The following STX17 variants were observed in gnomAD, a reference collection of about 807,000 sequenced individuals.
The protein encoded by STX17 is syntaxin 17.
Under a neutral mutation model 35.9 loss-of-function variants are expected in STX17, and 29 were observed. The ratio of observed to expected loss-of-function variants is 0.81; its 90% CI spans 0.60 to 1.10. The LOEUF (loss-of-function observed/expected upper bound fraction) is 1.10, where lower values mean the gene tolerates loss of function less well. Ranked by LOEUF, STX17 falls within the 50% of genes least tolerant of loss-of-function variation. The pLI is 0.00. For missense variants in STX17, 312 were observed against 352.3 expected (o/e 0.89, Z 0.92); for synonymous variants, 92 against 118.3 (o/e 0.78, Z 1.44).
intron 3 of STX17, among the ~76,000 whole-genome samples, chr9:99,938,423 CTAAA>C (rs1829281367): frequency 6.6e-6 from 1 of 152,116 alleles, no homozygotes; most frequent in African/African-American, 2.4e-5. Flanking sequence ...AAATTTGAAA[CTAAA>C]TGAGAGTTGG....
intron 6 of STX17, 180 bp from the exon 7 acceptor site, chr9:99,967,473 T>C (rs80082881): frequency 1.1e-4 from 25 of 237,678 alleles, no homozygotes; most frequent in Middle Eastern, 1.2e-3. Context: ...GACCCCCCCC[T>C]TTTTTTTATG....
At chr9:99,922,711 G>T (rs1828912361) in intron 2 of STX17, among the ~76,000 whole-genome samples, 1 of 152,204 alleles carries the variant, frequency 6.6e-6, no homozygotes, top group African/African-American at 2.4e-5. Context: ...GGGCAAGATG[G>T]AATCACTCAG....
At chr9:99,915,400 A>G (rs1056884103) in intron 2 of STX17, 38 bp downstream of exon 2, 2 of 1,567,578 alleles carry the variant, frequency 1.3e-6, no homozygotes, top group African/African-American at 1.4e-5. Flanking sequence ...AAATAGTTAC[A>G]TAGTTTGATT....
intron 3 of STX17, among the ~76,000 whole-genome samples, chr9:99,945,538 T>A (rs1387752481): frequency 1.3e-5 from 2 of 151,050 alleles, no homozygotes; most frequent in Non-Finnish European, 2.9e-5. Context: ...AGTCTATAAA[T>A]CTTTATCCTG....
chr9:99,928,320 C>G (rs1389170567), intron 2 of STX17, among the ~76,000 whole-genome samples: 3 of 151,926 alleles, frequency 2.0e-5, no homozygotes, highest in African/African-American at 7.2e-5. Flanking sequence ...TATTTACTCT[C>G]TAGTCTGTGG....
In STX17 at chr9:99,932,819, A is replaced by G. The variant is rs568598900; in HGVS notation, c.189+3976A>G. ...AGATTTCTACTTTGCTAGTTAGTGT[A>G]AAAGTTATTTTGGGACAAATAACCT... On this transcript the variant is annotated intron_variant, in intron 3 of 7. Coordinates refer to ENST00000259400, the MANE Select transcript of STX17 (RefSeq NM_017919.3). Among the ~76,000 whole-genome samples, 239 of 152,286 alleles carry G rather than the reference A, an allele frequency of 1.6e-3. 1 individual carries two copies. The highest frequency in any genetic ancestry group is 1.4e-3 in the Non-Finnish European group (95 of 67,994).
At chr9:99,946,062 G>A (rs1046363041) in intron 3 of STX17, among the ~76,000 whole-genome samples, 3 of 152,118 alleles carry the variant, frequency 2.0e-5, no homozygotes, top group African/African-American at 4.8e-5. Context: ...CAGCCTGGGC[G>A]ATAGAGCAAG....
chr9:99,961,733 GAAGTTCCT>G (rs1350542435), intron 6 of STX17, among the ~76,000 whole-genome samples: 3 of 151,930 alleles, frequency 2.0e-5, no homozygotes, highest in Non-Finnish European at 2.9e-5. Flanking sequence ...TTTTAAATGA[GAAGTTCCT>G]AGATCACACA....
At chr9:99,960,176 G>A (rs1829800361) in intron 6 of STX17, 21 bp downstream of exon 6, 2 of 1,608,894 alleles carry the variant, frequency 1.2e-6, no homozygotes, top group Admixed American at 3.4e-5. Context: ...AACTGTTTTG[G>A]ATGCAGAATT....
intron 1 of STX17, among the ~76,000 whole-genome samples, chr9:99,907,890 T>A (rs1564054517): frequency 1.3e-5 from 2 of 152,200 alleles, no homozygotes; most frequent in Non-Finnish European, 2.9e-5. Flanking sequence ...TTGCAGTTAG[T>A]TGTCTTGGGT....
intron 3 of STX17, among the ~76,000 whole-genome samples, chr9:99,950,041 C>T (rs963200320): frequency 6.6e-6 from 1 of 151,542 alleles, no homozygotes; most frequent in Non-Finnish European, 1.5e-5. Context: ...TATATATTGA[C>T]TAGAAAGGCT....
At chr9:99,951,337 A>C in intron 4 of STX17, 52 bp downstream of exon 4, 2 of 1,525,714 alleles carry the variant, frequency 1.3e-6, no homozygotes, top group Non-Finnish European at 1.8e-6. Flanking sequence ...CAGTTAATTA[A>C]AGATCACCTC....
chr9:99,910,891 T>C (rs1828646999), intron 1 of STX17, among the ~76,000 whole-genome samples: 1 of 152,150 alleles, frequency 6.6e-6, no homozygotes, highest in African/African-American at 2.4e-5. Context: ...CCCCTTTTTA[T>C]TTAGAAATGG....
intron 3 of STX17, among the ~76,000 whole-genome samples, chr9:99,950,525 C>A (rs1424928988): frequency 1.3e-5 from 2 of 151,680 alleles, no homozygotes; most frequent in African/African-American, 2.4e-5. Flanking sequence ...ATGTTGATCA[C>A]CGAAGGAGTG....
In STX17 at chr9:99,959,913, C is replaced by G. The variant is rs1829793005; in HGVS notation, c.416-4C>G. The G allele has an allele frequency of 2.5e-6, 4 of 1,593,068 alleles. No homozygotes were observed. The Admixed American group carries it at 6.8e-5, about 27-fold the overall frequency. ...CTAAACATGGGGTTATTATGTTCAT[C>G]CAGGAGCATTTCATACTACTGAAGC... On this transcript the variant is annotated splice_polypyrimidine_tract_variant and splice_region_variant and intron_variant, in intron 4 of 7. Transcript: ENST00000259400.
Position 99,915,050 on chromosome 9 carries a change from G to C in STX17, c.-62-128G>C, listed in dbSNP as rs571050139. 6.7e-6 allele frequency: 3 copies of C among 450,616 alleles called. No individual in the cohort carries two copies. In the South Asian group the frequency reaches 2.0e-4, roughly 31 times the overall value. 27.9% of individuals were successfully genotyped at this position (450,616 alleles called of 1,614,324 possible). On this transcript the variant is annotated intron_variant, in intron 1 of 7. Coordinates refer to ENST00000259400, the MANE Select transcript of STX17 (RefSeq NM_017919.3). ...AGTGGTTTCATAAAGAAAAAAACAA[G>C]TCACTCAAGGTCAGCATTAGAAATA...
At chr9:99,921,190 G>A (rs1828877991) in intron 2 of STX17, among the ~76,000 whole-genome samples, 1 of 152,038 alleles carries the variant, frequency 6.6e-6, no homozygotes, top group Non-Finnish European at 1.5e-5. Flanking sequence ...AATGTAGTGT[G>A]CTTCTGAAAA....
At chr9:99,941,641 G>C (rs980171772) in intron 3 of STX17, among the ~76,000 whole-genome samples, 3 of 152,116 alleles carry the variant, frequency 2.0e-5, no homozygotes, top group Non-Finnish European at 2.9e-5. Context: ...CCTGCAAAAA[G>C]AATCACTATC....
In STX17 at chr9:99,967,549, A is replaced by C. The variant is rs572334107; in HGVS notation, c.583-104A>C. 8 of 909,738 alleles carry C rather than the reference A, an allele frequency of 8.8e-6. No individual in the cohort carries two copies. In the African/African-American group the frequency reaches 1.3e-4, roughly 15 times the overall value. 56.4% of individuals were successfully genotyped at this position (909,738 alleles called of 1,614,324 possible). On this transcript the variant is annotated intron_variant, in intron 6 of 7. Transcript: ENST00000259400. ...TTAATGAACCACTATTAAGATGGCAAGGCTGCAGTACCCAGGGCCCTGATT... is the reference window on the plus strand; with the variant it reads ...TTAATGAACCACTATTAAGATGGCACGGCTGCAGTACCCAGGGCCCTGATT...
Sources: allele counts gnomAD v4.1 joint callset (sites outside exome capture counted in the v4.1 genomes callset), GRCh38; gene constraint gnomAD v4.1.1; transcripts MANE v1.5; gene names NCBI Gene and HGNC (gene_info 2026-07-23, HGNC 2026-07-21).